Variants in MAP3K15 observed in about 807,000 individuals in gnomAD.
The protein encoded by MAP3K15 is MAPK/ERK kinase kinase 15.
MAP3K15 carries 124 observed loss-of-function variants against 99.5 expected under a neutral mutation model. The ratio of observed to expected loss-of-function variants is 1.25; its 90% CI spans 1.08 to 1.45. MAP3K15 has a LOEUF of 1.45. Among genes scored for constraint, MAP3K15 ranks in the 40% most tolerant of loss-of-function variants. MAP3K15 has a pLI of 0.00. For synonymous variants in MAP3K15, 494 were observed against 439.6 expected (o/e 1.12, Z -1.55); for missense variants, 1,242 against 1,079.7 (o/e 1.15, Z -2.11).
At chrX:19,461,802 C>G (rs759925940) in intron 4 of MAP3K15, among the ~76,000 whole-genome samples, 33 of 110,519 alleles carry the variant, frequency 3.0e-4, no homozygotes, top group African/African-American at 1.1e-3. Context: ...ACCAGCCTGG[C>G]CAACGTGGTG....
chrX:19,395,906 T>A (rs921521690), intron 15 of MAP3K15, among the ~76,000 whole-genome samples: 1 of 112,146 alleles, frequency 8.9e-6, no homozygotes, highest in Non-Finnish European at 1.9e-5. Context: ...TATCAGACAA[T>A]CTGTTGTTCT....
At chrX:19,411,021 T>C (rs1293166858) in intron 11 of MAP3K15, among the ~76,000 whole-genome samples, 2 of 110,042 alleles carry the variant, frequency 1.8e-5, no homozygotes, top group Non-Finnish European at 3.8e-5. Context: ...CCGTCTCTAC[T>C]AAAAATACAA....
chrX:19,360,517 G>T lies in MAP3K15; in HGVS notation c.*232C>A, dbSNP rs192450087. ...CTACAAGTGAATTTCCTAATATTCC[G>T]GGAGGTCAAAACCAAGGCTCACTGT... On this transcript the variant is annotated 3_prime_UTR_variant, in exon 29 of 29. Transcript: ENST00000338883. The T allele has an allele frequency of 3.2e-6, 1 of 308,733 alleles. No homozygotes were observed. Among genetic ancestry groups the T allele is most frequent in the Non-Finnish European group, 5.7e-6 (1 of 176,085 alleles). 25.4% of individuals were successfully genotyped at this position (308,733 alleles called of 1,213,427 possible).
rs2063724149 is a variant in MAP3K15, at chrX:19,415,218, C to A, written c.1479G>T (p.Arg493=). ...RSLVQNLLLI[R]RFKKTIIEHS... is the part of the protein sequence containing the mutation. ...GTTCAATAATGGTTTTCTTGAAGCGCCGAATTAGTAACAAGTTCTGAACTA... is the reference window on the plus strand; with the variant it reads ...GTTCAATAATGGTTTTCTTGAAGCGACGAATTAGTAACAAGTTCTGAACTA... The change falls in exon 10 of 29, where the codon CGG becomes CGT. Residue 493 remains arginine (R), a synonymous_variant. Transcript: ENST00000338883. 2 of 1,179,992 alleles carry A rather than the reference C, an allele frequency of 1.7e-6. No individual in the cohort carries two copies. Among genetic ancestry groups the A allele is most frequent in the African/African-American group, 3.5e-5 (2 of 57,287 alleles).
chrX:19,376,199 A>C (rs2063416088), intron 19 of MAP3K15, among the ~76,000 whole-genome samples: 1 of 111,293 alleles, frequency 9.0e-6, no homozygotes, highest in Admixed American at 9.5e-5. Context: ...GGTGGCTGAA[A>C]CAACAGGTGC....
chrX:19,390,329 A>T lies in MAP3K15; in HGVS notation c.2431+1673T>A, dbSNP rs1410801821. ...TTTTTTTTTTTTTTTTTTTTTTGAG[A>T]CAGAGTCTCACTCTGCCACCCAGGC... On this transcript the variant is annotated intron_variant, in intron 18 of 28. Transcript: ENST00000338883. Among the ~76,000 whole-genome samples, 7 of 79,310 alleles carry T rather than the reference A, an allele frequency of 8.8e-5. No homozygotes were observed. In the Admixed American group the frequency reaches 1.1e-3, roughly 13 times the overall value. 68.9% of individuals were successfully genotyped at this position (79,310 alleles called of 115,157 possible).
Position 19,371,354 on chromosome X carries a change from A to C in MAP3K15, c.3285T>G (p.Phe1095Leu). Residue 1095 changes from phenylalanine (F) to leucine (L), a missense_variant, in exon 23 of 29, where the codon TTT becomes TTG. Transcript: ENST00000338883. ...CAGATGGAGCACTTACGGCATCCTGAAATCCGAACAGCACCAGGTGAATCT... is the reference window on the plus strand; with the variant it reads ...CAGATGGAGCACTTACGGCATCCTGCAATCCGAACAGCACCAGGTGAATCT... ...ISQIHLVLFG[F>L]QDAVNKILRN... is the part of the protein sequence containing the mutation. 8.3e-7 allele frequency: 1 copy of C among 1,205,005 alleles called. No individual in the cohort carries two copies. The highest frequency in any genetic ancestry group is 1.1e-6 in the Non-Finnish European group (1 of 890,514).
chrX:19,512,110 T>C (rs892562019), intron 1 of MAP3K15, among the ~76,000 whole-genome samples: 9 of 108,427 alleles, frequency 8.3e-5, no homozygotes, highest in Non-Finnish European at 1.5e-4. Flanking sequence ...TAAGTGGGAG[T>C]TGAACAATGA....
Position 19,515,321 on chromosome X carries a change from G to A in MAP3K15, c.-60C>T. 1 of 757,665 alleles carries A rather than the reference G, an allele frequency of 1.3e-6. No individual in the cohort carries two copies. The highest frequency in any genetic ancestry group is 1.6e-6 in the Non-Finnish European group (1 of 621,799). The allele number at this position is 757,665 out of a possible 1,213,427, so 62.4% of individuals were successfully genotyped here. On this transcript the variant is annotated 5_prime_UTR_variant, in exon 1 of 29. Coordinates refer to ENST00000338883, the MANE Select transcript of MAP3K15 (RefSeq NM_001001671.4). The stretch of plus-strand genomic sequence containing the variant: ...GCCAGCGGCTGCGATCCGCTAGGAG[G>A]CACAAGTTACAGCAGCCGCGCAGGC...
rs766505349 is a variant in MAP3K15, at chrX:19,474,076, C to T, written c.526-9670G>A. Among the ~76,000 whole-genome samples the T allele has an allele frequency of 2.7e-5, 3 of 111,523 alleles. No individual in the cohort carries two copies. In the South Asian group the frequency reaches 1.1e-3, roughly 42 times the overall value. Reference sequence around the variant, plus strand: ...CTTCCCAGGAGTAAAATTACTAGAACAAATTTAAGGTTCTTAATATATGTT... The same window carrying T: ...CTTCCCAGGAGTAAAATTACTAGAATAAATTTAAGGTTCTTAATATATGTT... On this transcript the variant is annotated intron_variant, in intron 3 of 28. Transcript: ENST00000338883.
intron 16 of MAP3K15, among the ~76,000 whole-genome samples, chrX:19,394,448 C>T (rs2063550757): frequency 8.9e-6 from 1 of 112,084 alleles, no homozygotes; most frequent in African/African-American, 3.2e-5. Flanking sequence ...GGAACGGACT[C>T]AGACTAGATG....
intron 6 of MAP3K15, among the ~76,000 whole-genome samples, chrX:19,441,409 A>C (rs1037751135): frequency 7.3e-5 from 8 of 109,608 alleles, no homozygotes; most frequent in African/African-American, 2.7e-4. Flanking sequence ...TCTAAAACTG[A>C]TCGTAGTGAT....
intron 6 of MAP3K15, among the ~76,000 whole-genome samples, chrX:19,453,457 G>A (rs1396200677): frequency 1.9e-5 from 2 of 106,797 alleles, no homozygotes; most frequent in Admixed American, 2.0e-4. Context: ...CCAAGATTAC[G>A]CCATTGCACT....
chrX:19,364,190 C>G (rs776660730), intron 25 of MAP3K15, among the ~76,000 whole-genome samples: 1 of 112,010 alleles, frequency 8.9e-6, no homozygotes, highest in African/African-American at 3.2e-5. Flanking sequence ...TTAAGTAACG[C>G]CCAGAGTCCA....
At chrX:19,392,831 G>A (rs2063536907) in intron 16 of MAP3K15, among the ~76,000 whole-genome samples, 3 of 111,174 alleles carry the variant, frequency 2.7e-5, no homozygotes, top group African/African-American at 9.8e-5. Context: ...GATAACTCAG[G>A]TCCCATGACA....
chrX:19,503,067 A>G (rs1444728925), intron 1 of MAP3K15, among the ~76,000 whole-genome samples: 1 of 111,436 alleles, frequency 9.0e-6, no homozygotes, highest in African/African-American at 3.3e-5. Context: ...TATAGAGAGA[A>G]GCGGGCAAAT....
chrX:19,373,390 T>C, intron 21 of MAP3K15, 146 bp downstream of exon 21: 1 of 673,072 alleles, frequency 1.5e-6, no homozygotes, highest in Non-Finnish European at 2.2e-6. Context: ...CTTGCCGGGA[T>C]GGGGCGGCTC....
intron 1 of MAP3K15, among the ~76,000 whole-genome samples, chrX:19,506,531 T>C (rs1569246286): frequency 8.9e-6 from 1 of 112,048 alleles, no homozygotes; most frequent in Non-Finnish European, 1.9e-5. Context: ...TATTTATTTA[T>C]TTTTCTTGAG....
At chrX:19,396,713 A>T (rs1422219368) in intron 15 of MAP3K15, among the ~76,000 whole-genome samples, 1 of 110,955 alleles carries the variant, frequency 9.0e-6, no homozygotes, top group Non-Finnish European at 1.9e-5. Flanking sequence ...ATATATCAGC[A>T]ATCACCCAGA....
Sources: gnomAD v4.1 joint callset for allele counts (sites outside exome capture counted in the v4.1 genomes callset) on GRCh38, gnomAD v4.1.1 for gene constraint, MANE v1.5 for transcripts, NCBI Gene and HGNC (gene_info 2026-07-23, HGNC 2026-07-21) for gene names.